FAM117A: variants seen among roughly 807,000 people sequenced by gnomAD.
FAM117A encodes family with sequence similarity 117 member A.
Under a neutral mutation model 44.1 loss-of-function variants are expected in FAM117A, and 21 were observed. That is an observed-to-expected ratio of 0.48 (90% CI 0.34 to 0.69). The LOEUF (loss-of-function observed/expected upper bound fraction) is 0.69, where lower values mean the gene tolerates loss of function less well. Ranked by LOEUF, FAM117A falls within the 30% of genes least tolerant of loss-of-function variation. The pLI, the probability that FAM117A is intolerant of heterozygous loss-of-function variation, is 0.01. For missense variants in FAM117A, 498 were observed against 589.9 expected (o/e 0.84, Z 1.61); for synonymous variants, 220 against 238.3 (o/e 0.92, Z 0.71).
intron 1 of FAM117A, among the ~76,000 whole-genome samples, chr17:49,743,016 C>G (rs1027789326): frequency 6.6e-6 from 1 of 152,126 alleles, no homozygotes; most frequent in Non-Finnish European, 1.5e-5. Flanking sequence ...TGACACACCC[C>G]CATGTAGACA....
chr17:49,761,581 G>A (rs117639129), intron 1 of FAM117A, among the ~76,000 whole-genome samples: 1 of 152,234 alleles, frequency 6.6e-6, no homozygotes, highest in Non-Finnish European at 1.5e-5. Flanking sequence ...ACTAGTAAAT[G>A]GCAGAACCTG....
At chr17:49,759,789 C>T (rs1023122035) in intron 1 of FAM117A, among the ~76,000 whole-genome samples, 1 of 152,190 alleles carries the variant, frequency 6.6e-6, no homozygotes, top group Non-Finnish European at 1.5e-5. Flanking sequence ...GCCTCGTATT[C>T]ACGAAACAGC....
chr17:49,736,594 A>G (rs575783181), intron 1 of FAM117A, among the ~76,000 whole-genome samples: 12 of 152,326 alleles, frequency 7.9e-5, no homozygotes, highest in South Asian at 2.1e-4. Context: ...TTCTGGTCCC[A>G]CTTACCTGTC....
At chr17:49,749,768 G>C (rs1277050692) in intron 1 of FAM117A, among the ~76,000 whole-genome samples, 1 of 147,904 alleles carries the variant, frequency 6.8e-6, no homozygotes, top group African/African-American at 2.4e-5. Context: ...GACTGGGCTG[G>C]GACACACGGC....
intron 3 of FAM117A, among the ~76,000 whole-genome samples, chr17:49,721,931 A>AC (rs891376940): frequency 6.6e-6 from 1 of 151,940 alleles, no homozygotes; most frequent in Non-Finnish European, 1.5e-5. Context: ...TCTACTAAAA[A>AC]AAAAAAAAAA....
At chr17:49,727,784 A>C (rs991263755) in intron 2 of FAM117A, among the ~76,000 whole-genome samples, 10 of 152,244 alleles carry the variant, frequency 6.6e-5, no homozygotes, top group African/African-American at 2.2e-4. Context: ...CACAGGCAGG[A>C]AAGTCCTGGC....
chr17:49,755,656 G>C (rs2073695800), intron 1 of FAM117A, among the ~76,000 whole-genome samples: 1 of 152,186 alleles, frequency 6.6e-6, no homozygotes, highest in South Asian at 2.1e-4. Context: ...CACCAACTGG[G>C]CTTCAAGCCC....
intron 1 of FAM117A, among the ~76,000 whole-genome samples, chr17:49,744,387 C>T (rs752959833): frequency 2.4e-4 from 37 of 152,178 alleles, no homozygotes; most frequent in Non-Finnish European, 2.8e-4. Context: ...TCAAGTGATT[C>T]TCCATCCTTG....
At position 49,782,376 on chromosome 17, in the gene FAM117A, C is replaced by CAAA. The variant is rs1193854249; in HGVS notation, c.-621+6118_-621+6120dup. On this transcript the variant is annotated intron_variant, in intron 1 of 7. Coordinates refer to the FAM117A transcript ENST00000513602. The stretch of plus-strand genomic sequence containing the variant: ...TGGGTGACAGAGAGAGACTCCGTCT[C>CAAA]AAAAAAAAAAAAAAAAAAAAAAAAA... 3.8e-3 allele frequency among the ~76,000 whole-genome samples: 68 copies of CAAA among 18,004 alleles called. 2 individuals are homozygous for CAAA. The highest frequency in any genetic ancestry group is 9.2e-3 in the South Asian group (3 of 326). The allele number at this position is 18,004 out of a possible 152,430, so 11.8% of individuals were successfully genotyped here.
At chr17:49,735,653 C>A (rs2073607556) in intron 1 of FAM117A, among the ~76,000 whole-genome samples, 1 of 152,146 alleles carries the variant, frequency 6.6e-6, no homozygotes, top group Admixed American at 6.5e-5. Flanking sequence ...TTTTTTGAGT[C>A]AGGGTCTCAC....
chr17:49,734,142 C>CAA (rs55925044), intron 1 of FAM117A, among the ~76,000 whole-genome samples: 36 of 59,420 alleles, frequency 6.1e-4, no homozygotes, highest in African/African-American at 8.6e-4. Flanking sequence ...GACTCTGTCT[C>CAA]AAAAAAAAAA....
At chr17:49,764,223 C>G, upstream of FAM117A, 1 of 435,044 alleles carries the variant, frequency 2.3e-6, no homozygotes. Context: ...TGCGGAAACC[C>G]AGACCTTCCA....
In FAM117A at chr17:49,711,572, G is replaced by A; in HGVS notation, c.1062-17C>T. The A allele has an allele frequency of 6.2e-7, 1 of 1,609,558 alleles. No individual in the cohort carries two copies. Among genetic ancestry groups the A allele is most frequent in the Non-Finnish European group, 8.5e-7 (1 of 1,176,914 alleles). On this transcript the variant is annotated splice_polypyrimidine_tract_variant and intron_variant, in intron 7 of 7. Transcript: ENST00000240364. ...CCTGGAGACCTGGAGGATGAAGAGA[G>A]ACACACAAGACACATACGTACACAC...
intron 1 of FAM117A, among the ~76,000 whole-genome samples, chr17:49,772,019 C>T (rs111569419): frequency 2.0e-3 from 307 of 152,208 alleles, no homozygotes; most frequent in African/African-American, 6.7e-3. Flanking sequence ...GGGCCAGGTA[C>T]GGTGGCTCAC....
At chr17:49,717,391 CAT>C in intron 6 of FAM117A, 120 bp downstream of exon 6, 1 of 735,604 alleles carries the variant, frequency 1.4e-6, no homozygotes, top group South Asian at 1.8e-5. Context: ...AAAGATGACT[CAT>C]AAAGATATTC....
At chr17:49,753,155 AC>A (rs1168879343) in intron 1 of FAM117A, among the ~76,000 whole-genome samples, 2 of 151,818 alleles carry the variant, frequency 1.3e-5, no homozygotes, top group Admixed American at 1.3e-4. Flanking sequence ...GAGCCACCAC[AC>A]CCGGCCCCAA....
intron 2 of FAM117A, among the ~76,000 whole-genome samples, chr17:49,728,137 T>G (rs2073568262): frequency 6.6e-6 from 1 of 152,250 alleles, no homozygotes; most frequent in East Asian, 1.9e-4. Flanking sequence ...TTGGTACTTT[T>G]GTCAAACTAT....
chr17:49,734,003 C>T (rs1329637827), intron 1 of FAM117A, among the ~76,000 whole-genome samples: 2 of 151,686 alleles, frequency 1.3e-5, no homozygotes, highest in East Asian at 2.0e-4. Flanking sequence ...ATTAGCCAGG[C>T]GTGGTGGCAG....
chr17:49,764,101 G>T lies in FAM117A; in HGVS notation c.-14C>A. On this transcript the variant is annotated 5_prime_UTR_variant, in exon 1 of 8. Transcript: ENST00000240364. Reference sequence around the variant, plus strand: ...GGCCCCCGCCATGGCTCTCCCGGCTGCCTGCCTCAGCCCCACTGCGAGACT... The same window carrying T: ...GGCCCCCGCCATGGCTCTCCCGGCTTCCTGCCTCAGCCCCACTGCGAGACT... The T allele has an allele frequency of 8.0e-7, 1 of 1,249,854 alleles. No individual in the cohort carries two copies. The highest frequency in any genetic ancestry group is 1.0e-6 in the Non-Finnish European group (1 of 986,788). The allele number at this position is 1,249,854 out of a possible 1,614,324, so 77.4% of individuals were successfully genotyped here. A position where few individuals can be genotyped will look rare whatever the true frequency, so the allele number is the denominator to read the frequency against.
Sources: allele counts gnomAD v4.1 joint callset (sites outside exome capture counted in the v4.1 genomes callset), GRCh38; gene constraint gnomAD v4.1.1; transcripts MANE v1.5; gene names NCBI Gene and HGNC (gene_info 2026-07-23, HGNC 2026-07-21).